Variants in ZNF804A observed in about 807,000 individuals in gnomAD.
ZNF804A encodes zinc finger protein 804A.
ZNF804A carries 2 observed loss-of-function variants against 16.5 expected under a neutral mutation model. The ratio of observed to expected loss-of-function variants is 0.12; its 90% CI spans 0.05 to 0.38. ZNF804A has a LOEUF of 0.38. ZNF804A is among the 10% of genes least tolerant of loss of function. ZNF804A has a pLI of 0.99. For synonymous variants in ZNF804A, 534 were observed against 489.6 expected (o/e 1.09, Z -1.20); for missense variants, 1,473 against 1,390.7 (o/e 1.06, Z -0.94).
At chr2:184,882,379 G>C (rs1684821835) in intron 2 of ZNF804A, among the ~76,000 whole-genome samples, 1 of 151,936 alleles carries the variant, frequency 6.6e-6, no homozygotes, top group South Asian at 2.1e-4. Context: ...ATACCCCACT[G>C]ACAATATTTG....
intron 1 of ZNF804A, among the ~76,000 whole-genome samples, chr2:184,776,145 T>C (rs1408481220): frequency 1.3e-5 from 2 of 151,526 alleles, no homozygotes; most frequent in Non-Finnish European, 3.0e-5. Context: ...AAAAGAACAG[T>C]TAAATCATAA....
chr2:184,930,966 T>A (rs1685689041), intron 2 of ZNF804A, among the ~76,000 whole-genome samples: 1 of 152,192 alleles, frequency 6.6e-6, no homozygotes, highest in South Asian at 2.1e-4. Context: ...TGGGGAGTCC[T>A]CACAATCATG....
At chr2:184,803,867 T>TG (rs1260870288) in intron 1 of ZNF804A, among the ~76,000 whole-genome samples, 10 of 142,614 alleles carry the variant, frequency 7.0e-5, no homozygotes, top group South Asian at 4.7e-4. Flanking sequence ...TCTTTTTTTT[T>TG]GGGGGGGAGG....
chr2:184,789,033 G>A (rs368899106), intron 1 of ZNF804A, among the ~76,000 whole-genome samples: 1 of 152,060 alleles, frequency 6.6e-6, no homozygotes, highest in East Asian at 1.9e-4. Flanking sequence ...GTTTGTTGAA[G>A]GTTTTTAGCA....
intron 1 of ZNF804A, among the ~76,000 whole-genome samples, chr2:184,676,321 C>G (rs2105715853): frequency 6.6e-6 from 1 of 150,776 alleles, no homozygotes; most frequent in Admixed American, 6.6e-5. Context: ...TCTTAAAAGT[C>G]AAACATTAGA....
intron 1 of ZNF804A, among the ~76,000 whole-genome samples, chr2:184,663,608 G>A (rs540228666): frequency 1.3e-4 from 20 of 152,230 alleles, no homozygotes; most frequent in South Asian, 4.2e-4. Flanking sequence ...AGGGATGGCC[G>A]GAAGCAATGG....
chr2:184,829,706 G>A lies in ZNF804A; in HGVS notation c.112-36663G>A, dbSNP rs370773510. Among the ~76,000 whole-genome samples, 34 of 151,470 alleles carry A rather than the reference G, an allele frequency of 2.2e-4. No individual in the cohort carries two copies. The East Asian group carries it at 2.7e-3, about 12-fold the overall frequency. On this transcript the variant is annotated intron_variant, in intron 1 of 3. Coordinates refer to ENST00000302277, the MANE Select transcript of ZNF804A (RefSeq NM_194250.2). ...ATAGATTATTCTCTTAATCTTTGGA[G>A]ATTAAGATTTTCTCTTAACCTTTTC...
At chr2:184,702,973 G>A (rs1162384403) in intron 1 of ZNF804A, among the ~76,000 whole-genome samples, 1 of 151,982 alleles carries the variant, frequency 6.6e-6, no homozygotes, top group African/African-American at 2.4e-5. Context: ...GAATATCTGG[G>A]CTTTTAATGT....
intron 1 of ZNF804A, among the ~76,000 whole-genome samples, chr2:184,779,143 A>G (rs997867909): frequency 2.0e-5 from 3 of 151,540 alleles, no homozygotes. Context: ...TGTGGTTCTG[A>G]GGTCACTAGG....
chr2:184,669,655 T>G (rs1692310890), intron 1 of ZNF804A, among the ~76,000 whole-genome samples: 1 of 152,076 alleles, frequency 6.6e-6, no homozygotes, highest in African/African-American at 2.4e-5. Context: ...AAAACTATTT[T>G]CAAATTTTTA....
intron 1 of ZNF804A, among the ~76,000 whole-genome samples, chr2:184,658,765 A>G (rs188755352): frequency 6.6e-6 from 1 of 152,324 alleles, no homozygotes; most frequent in Non-Finnish European, 1.5e-5. Context: ...AGGACAAAGA[A>G]GAATGAGCCA....
At chr2:184,851,595 G>A (rs1461950658) in intron 1 of ZNF804A, among the ~76,000 whole-genome samples, 2 of 151,748 alleles carry the variant, frequency 1.3e-5, no homozygotes, top group Non-Finnish European at 3.0e-5. Flanking sequence ...CATCTATGGA[G>A]GTTTAGGCTG....
At chr2:184,815,351 T>C (rs963163005) in intron 1 of ZNF804A, among the ~76,000 whole-genome samples, 6 of 152,008 alleles carry the variant, frequency 3.9e-5, no homozygotes, top group African/African-American at 1.4e-4. Flanking sequence ...GAGTTATTAT[T>C]CTTAACCTGT....
chr2:184,627,489 T>G (rs1472603434), intron 1 of ZNF804A, among the ~76,000 whole-genome samples: 1 of 152,214 alleles, frequency 6.6e-6, no homozygotes, highest in East Asian at 1.9e-4. Flanking sequence ...CATTTTTCCT[T>G]GATCAAATTG....
At chr2:184,731,048 G>T (rs1693505927) in intron 1 of ZNF804A, among the ~76,000 whole-genome samples, 1 of 151,632 alleles carries the variant, frequency 6.6e-6, no homozygotes, top group African/African-American at 2.4e-5. Flanking sequence ...TTCGAGACCA[G>T]CCTGGTCAAC....
At chr2:184,658,148 T>C (rs1692111789) in intron 1 of ZNF804A, among the ~76,000 whole-genome samples, 1 of 152,172 alleles carries the variant, frequency 6.6e-6, no homozygotes, top group African/African-American at 2.4e-5. Flanking sequence ...CAGATTAGGA[T>C]TGTAGTAAGA....
intron 1 of ZNF804A, among the ~76,000 whole-genome samples, chr2:184,612,031 A>C: frequency 6.6e-6 from 1 of 152,106 alleles, no homozygotes; most frequent in African/African-American, 2.4e-5. Flanking sequence ...AGTTTCTTAA[A>C]CCTTTTATGA....
At position 184,937,698 on chromosome 2, in the gene ZNF804A, T is replaced by G. The variant is rs904653941; in HGVS notation, c.2302T>G (p.Phe768Val). 3 of 1,613,936 alleles carry G rather than the reference T, an allele frequency of 1.9e-6. No individual in the cohort carries two copies. The highest frequency in any genetic ancestry group is 2.7e-5 in the African/African-American group (2 of 74,930). ...TTCTGTCATGAATGAATCAGAAAGA[T>G]TCTATCGAAAACGTAGACAACATTC... is the stretch of plus-strand genomic sequence containing the variant. ...YNSVMNESER[F>V]YRKRRQHSHS... Residue 768 changes from phenylalanine to valine, a missense_variant, in exon 4 of 4, where the codon TTC becomes GTC. By Grantham distance (50) the Phe-to-Val change is conservative (BLOSUM62 -1). Coordinates refer to ENST00000302277, the MANE Select transcript of ZNF804A (RefSeq NM_194250.2).
At chr2:184,866,126 A>G (rs1436386198) in intron 1 of ZNF804A, among the ~76,000 whole-genome samples, 1 of 152,072 alleles carries the variant, frequency 6.6e-6, no homozygotes, top group Non-Finnish European at 1.5e-5. Context: ...ATTTATTTCT[A>G]TCATTTGCAT....
Sources: gnomAD v4.1 joint callset for allele counts (sites outside exome capture counted in the v4.1 genomes callset) on GRCh38, gnomAD v4.1.1 for gene constraint, MANE v1.5 for transcripts, NCBI Gene and HGNC (gene_info 2026-07-23, HGNC 2026-07-21) for gene names.